CASQ2: variants seen among roughly 807,000 people sequenced by gnomAD.
CASQ2 encodes calsequestrin-2.
A neutral mutation model predicts 46.5 loss-of-function variants in CASQ2; 49 were observed. The observed-to-expected ratio is 1.05, with a 90% CI of 0.84 to 1.34. The LOEUF is 1.34. Among genes scored for constraint, CASQ2 ranks in the 40% most tolerant of loss-of-function variants. CASQ2 has a pLI of 0.00. For synonymous variants in CASQ2, 174 were observed against 168.5 expected (o/e 1.03, Z -0.25); for missense variants, 486 against 481.3 (o/e 1.01, Z -0.09).
intron 1 of CASQ2, among the ~76,000 whole-genome samples, chr1:115,751,618 G>A (rs1648586052): frequency 6.6e-6 from 1 of 152,000 alleles, no homozygotes; most frequent in South Asian, 2.1e-4. Flanking sequence ...CTTGCAGTGA[G>A]CCGAGATTGC....
intron 3 of CASQ2, among the ~76,000 whole-genome samples, chr1:115,740,130 T>C (rs1387388353): frequency 6.6e-6 from 1 of 152,224 alleles, no homozygotes; most frequent in African/African-American, 2.4e-5. Flanking sequence ...TCTTTATCTG[T>C]GCAAGAATAT....
chr1:115,709,732 A>G (rs1044937935), intron 8 of CASQ2, among the ~76,000 whole-genome samples: 4 of 152,228 alleles, frequency 2.6e-5, no homozygotes, highest in African/African-American at 7.2e-5. Context: ...CTGACTACAG[A>G]GTTGATCATT....
At chr1:115,715,421 T>C (rs909802483) in intron 8 of CASQ2, among the ~76,000 whole-genome samples, 9 of 152,212 alleles carry the variant, frequency 5.9e-5, no homozygotes, top group South Asian at 2.1e-4. Flanking sequence ...TTGGGACACC[T>C]TGAAAACATC....
At chr1:115,745,326 A>G (rs1044765590) in intron 1 of CASQ2, among the ~76,000 whole-genome samples, 1 of 152,058 alleles carries the variant, frequency 6.6e-6, no homozygotes, top group Non-Finnish European at 1.5e-5. Context: ...ACCTAAGAAT[A>G]AAGGAGGCCT....
intron 8 of CASQ2, among the ~76,000 whole-genome samples, chr1:115,709,766 T>G (rs758269045): frequency 6.6e-6 from 1 of 152,184 alleles, no homozygotes; most frequent in Non-Finnish European, 1.5e-5. Context: ...ATCTTATCCT[T>G]GCATCCAATT....
chr1:115,723,341 T>TATCTATC (rs1557791559), intron 7 of CASQ2, among the ~76,000 whole-genome samples: 12 of 147,220 alleles, frequency 8.2e-5, no homozygotes, highest in Non-Finnish European at 1.4e-4. Context: ...ATCTATCATC[T>TATCTATC]ATCTATGTAT....
chr1:115,763,954 C>T (rs1649042606), intron 1 of CASQ2, among the ~76,000 whole-genome samples: 1 of 151,790 alleles, frequency 6.6e-6, no homozygotes, highest in Non-Finnish European at 1.5e-5. Flanking sequence ...TCCTGTAATG[C>T]TAATGGAAGT....
chr1:115,765,615 GTAA>G (rs1649109546), intron 1 of CASQ2, among the ~76,000 whole-genome samples: 1 of 152,114 alleles, frequency 6.6e-6, no homozygotes, highest in Admixed American at 6.5e-5. Context: ...AATTCCCCAA[GTAA>G]TAATAATAAG....
At chr1:115,707,836 G>A (rs924484953) in intron 8 of CASQ2, among the ~76,000 whole-genome samples, 1 of 152,244 alleles carries the variant, frequency 6.6e-6, no homozygotes, top group Non-Finnish European at 1.5e-5. Flanking sequence ...AATTCACAGA[G>A]AGGATGAAAT....
chr1:115,746,127 G>A (rs1648380583), intron 1 of CASQ2, among the ~76,000 whole-genome samples: 2 of 150,892 alleles, frequency 1.3e-5, no homozygotes, highest in Non-Finnish European at 2.9e-5. Context: ...ATTATGTAGA[G>A]ATTTGTCTAG....
At chr1:115,713,463 G>A (rs1654608883) in intron 8 of CASQ2, among the ~76,000 whole-genome samples, 1 of 152,178 alleles carries the variant, frequency 6.6e-6, no homozygotes, top group South Asian at 2.1e-4. Flanking sequence ...CTCCTGGCAG[G>A]TGGAGGTGGG....
At chr1:115,706,856 T>C (rs907284036) in intron 8 of CASQ2, among the ~76,000 whole-genome samples, 1 of 152,174 alleles carries the variant, frequency 6.6e-6, no homozygotes, top group African/African-American at 2.4e-5. Context: ...TAAAAGTTTT[T>C]TTCTACACTT....
intron 8 of CASQ2, 124 bp downstream of exon 8, chr1:115,717,716 G>C: frequency 2.5e-6 from 2 of 796,676 alleles, no homozygotes; most frequent in Non-Finnish European, 4.5e-6. Flanking sequence ...GACCACCAGG[G>C]GGTGCCCAAT....
chr1:115,740,473 C>T (rs928088292), intron 3 of CASQ2, among the ~76,000 whole-genome samples: 2 of 152,172 alleles, frequency 1.3e-5, no homozygotes, highest in Non-Finnish European at 2.9e-5. Context: ...CAATAGACGT[C>T]TATGTATAAC....
At chr1:115,753,678 T>C (rs1315029791) in intron 1 of CASQ2, among the ~76,000 whole-genome samples, 1 of 152,048 alleles carries the variant, frequency 6.6e-6, no homozygotes, top group Admixed American at 6.5e-5. Flanking sequence ...CCCAATCCAG[T>C]CTCTTCATAG....
chr1:115,741,160 G>C (rs929019947), intron 2 of CASQ2, among the ~76,000 whole-genome samples: 1 of 152,188 alleles, frequency 6.6e-6, no homozygotes, highest in African/African-American at 2.4e-5. Context: ...CTGCCCACCT[G>C]ACTCCTTAAC....
intron 8 of CASQ2, among the ~76,000 whole-genome samples, chr1:115,717,572 C>T (rs1654744198): frequency 6.6e-6 from 1 of 152,000 alleles, no homozygotes; most frequent in South Asian, 2.1e-4. Flanking sequence ...GCTGCAAATC[C>T]CACTGACTCA....
intron 5 of CASQ2, among the ~76,000 whole-genome samples, chr1:115,727,522 C>T (rs1185919144): frequency 6.6e-6 from 1 of 152,232 alleles, no homozygotes; most frequent in Non-Finnish European, 1.5e-5. Flanking sequence ...GTTGATAAAA[C>T]AGGCAATTGA....
intron 7 of CASQ2, among the ~76,000 whole-genome samples, chr1:115,721,661 C>G (rs898345911): frequency 1.3e-5 from 2 of 152,236 alleles, no homozygotes; most frequent in East Asian, 3.9e-4. Context: ...GCCTCTGCCT[C>G]CCAGGCTCAA....
Sources: gnomAD v4.1 joint callset for allele counts (sites outside exome capture counted in the v4.1 genomes callset) on GRCh38, gnomAD v4.1.1 for gene constraint, MANE v1.5 for transcripts, NCBI Gene and HGNC (gene_info 2026-07-23, HGNC 2026-07-21) for gene names.